ATP11A: variants seen among roughly 807,000 people sequenced by gnomAD.
The protein encoded by ATP11A is phospholipid-transporting ATPase IH.
ATP11A carries 81 observed loss-of-function variants against 154.4 expected under a neutral mutation model. The ratio of observed to expected loss-of-function variants is 0.52; its 90% CI spans 0.44 to 0.63. The LOEUF (loss-of-function observed/expected upper bound fraction) is 0.63. Among genes scored for constraint, ATP11A ranks in the 30% least tolerant of loss-of-function variants. The probability of loss-of-function intolerance (pLI) is 0.00; values close to 1 mark genes in which losing one functional copy is unlikely to be tolerated. For missense variants in ATP11A, 1,316 were observed against 1,474.3 expected, an observed-to-expected ratio of 0.89 and a Z score of 1.76; for synonymous variants, 623 against 585.9, an observed-to-expected ratio of 1.06 and a Z score of -0.91.
At chr13:112,813,830 C>T (rs61963798) in intron 5 of ATP11A, among the ~76,000 whole-genome samples, 15,083 of 151,856 alleles carry the variant, frequency 0.099, 943 homozygotes, top group Admixed American at 0.16. Context: ...TTTTCACGCT[C>T]GTTTGACATC....
chr13:112,828,436 G>T (rs1399022518), intron 12 of ATP11A, among the ~76,000 whole-genome samples: 2 of 146,178 alleles, frequency 1.4e-5, no homozygotes, highest in African/African-American at 2.5e-5. Flanking sequence ...TGGGGGGAAA[G>T]TGCCCAGCAG....
intron 8 of ATP11A, among the ~76,000 whole-genome samples, chr13:112,822,212 A>T (rs1157342605): frequency 6.6e-6 from 1 of 152,226 alleles, no homozygotes; most frequent in African/African-American, 2.4e-5. Context: ...AGCAAAATTT[A>T]TACATTTGAA....
intron 1 of ATP11A, among the ~76,000 whole-genome samples, chr13:112,727,327 G>A (rs1035856617): frequency 2.0e-5 from 3 of 152,332 alleles, no homozygotes; most frequent in East Asian, 1.9e-4. Flanking sequence ...GATTAGAGGC[G>A]TGAGCCACTG....
chr13:112,737,343 C>T (rs569807538), intron 1 of ATP11A, among the ~76,000 whole-genome samples: 38 of 152,148 alleles, frequency 2.5e-4, no homozygotes, highest in Non-Finnish European at 4.6e-4. Context: ...AAGGCTGAGC[C>T]GCACACCCAG....
chr13:112,708,764 C>A (rs1197587623), intron 1 of ATP11A, among the ~76,000 whole-genome samples: 1 of 152,224 alleles, frequency 6.6e-6, no homozygotes, highest in Admixed American at 6.5e-5. Flanking sequence ...TGGTCCCACC[C>A]CTGCCCGACA....
intron 1 of ATP11A, among the ~76,000 whole-genome samples, chr13:112,713,262 G>T (rs1887972865): frequency 6.6e-6 from 1 of 152,200 alleles, no homozygotes; most frequent in Non-Finnish European, 1.5e-5. Context: ...GGGCATGGTG[G>T]TGGGCGCCTG....
At chr13:112,818,833 G>A (rs561373286) in intron 6 of ATP11A, among the ~76,000 whole-genome samples, 4 of 152,314 alleles carry the variant, frequency 2.6e-5, no homozygotes, top group East Asian at 3.9e-4. Flanking sequence ...GGAGCCCCCC[G>A]GCCCAGGCCA....
chr13:112,791,033 C>T (rs2077838980), intron 2 of ATP11A, among the ~76,000 whole-genome samples: 1 of 152,222 alleles, frequency 6.6e-6, no homozygotes, highest in Admixed American at 6.5e-5. Flanking sequence ...AATATTGTCT[C>T]TGCAGTGGTA....
At chr13:112,714,808 A>G (rs1382812100) in intron 1 of ATP11A, among the ~76,000 whole-genome samples, 1 of 152,122 alleles carries the variant, frequency 6.6e-6, no homozygotes, top group African/African-American at 2.4e-5. Context: ...AACATGCAAC[A>G]TCTTGTCTAG....
chr13:112,771,214 G>A (rs1033645319), intron 1 of ATP11A, among the ~76,000 whole-genome samples: 4 of 152,210 alleles, frequency 2.6e-5, no homozygotes, highest in African/African-American at 9.6e-5. Context: ...TGGTGAAGGC[G>A]TGACCCACGG....
chr13:112,858,310 C>G lies in ATP11A; in HGVS notation c.2667+20C>G. ...TATAAGGTAGGAGGGTCGCCGCTCC[C>G]CCTCACGGTGTTAGCAACAGGTCAC... On this transcript the variant is annotated intron_variant, in intron 22 of 29. Transcript: ENST00000375645. 6.3e-7 allele frequency: 1 copy of G among 1,599,836 alleles called. No individual in the cohort carries two copies. Among genetic ancestry groups the G allele is most frequent in the South Asian group, 1.1e-5 (1 of 90,082 alleles).
At chr13:112,756,824 T>C (rs950597114) in intron 1 of ATP11A, among the ~76,000 whole-genome samples, 1 of 151,596 alleles carries the variant, frequency 6.6e-6, no homozygotes, top group Non-Finnish European at 1.5e-5. Flanking sequence ...AGGGGTCTGC[T>C]CCCAGCACGG....
At position 112,754,308 on chromosome 13, in the gene ATP11A, T is replaced by G. The variant is rs1460264367; in HGVS notation, c.40-30827T>G. Among the ~76,000 whole-genome samples the G allele has an allele frequency of 6.6e-6, 1 of 152,174 alleles. No individual in the cohort carries two copies. Among genetic ancestry groups the G allele is most frequent in the African/African-American group, 2.4e-5 (1 of 41,450 alleles). ...AGTGCCTCGGCTGATTCTTGGTCTT[T>G]GGAGACCTGGTCCCCAGTCCCACCT... is the stretch of plus-strand genomic sequence containing the variant. On this transcript the variant is annotated intron_variant, in intron 1 of 29. Transcript: ENST00000375645. This position sits in a 1 kb window ranked among gnomAD's most constrained non-coding sequence, Gnocchi z 5.3.
At chr13:112,880,566 T>G in intron 29 of ATP11A, 1 of 1,300,058 alleles carries the variant, frequency 7.7e-7, no homozygotes, top group Non-Finnish European at 1.0e-6. Flanking sequence ...AGCACAAGGC[T>G]CCAGTCCAGG....
At position 112,785,152 on chromosome 13, in the gene ATP11A, T is replaced by C. The variant is rs2077592896; in HGVS notation, c.57T>C (p.Asn19=). Residue 19 remains asparagine, a synonymous_variant, in exon 2 of 30, where the codon AAT becomes AAC. Coordinates refer to ENST00000375645, the MANE Select transcript of ATP11A (RefSeq NM_015205.3). The surrounding 1 kb of genome is among the most constrained non-coding windows in gnomAD (Gnocchi z 4.8). ...TTCCGCAGTGTGCAGGAGAAGAGAA[T>C]TGGGTGGACAGCAGGACCATCTACG... ...LVHRYCAGEE[N]WVDSRTIYVG... 2 of 1,558,056 alleles carry C rather than the reference T, an allele frequency of 1.3e-6. No individual in the cohort carries two copies. The highest frequency in any genetic ancestry group is 1.2e-5 in the South Asian group (1 of 83,382).
chr13:112,755,978 C>T (rs61961139), intron 1 of ATP11A, among the ~76,000 whole-genome samples: 32,131 of 133,710 alleles, frequency 0.24, 1,832 homozygotes, highest in Middle Eastern at 0.33. Flanking sequence ...CAGAGCGGCT[C>T]CCAGAACCAT....
Position 112,875,999 on chromosome 13 carries a change from GAGATGA to G in ATP11A, c.3327+59_3327+64del. The G allele has an allele frequency of 6.4e-7, 1 of 1,557,878 alleles. No individual in the cohort carries two copies. The highest frequency in any genetic ancestry group is 1.8e-5 in the Admixed American group (1 of 56,670). Reference sequence around the variant, plus strand: ...CTCAGGGCCCTGGCCTTAGGATTGGGAGATGACCGTTTTGAAAGACAGTGTGAAAGG... The same window carrying G: ...CTCAGGGCCCTGGCCTTAGGATTGGGCCGTTTTGAAAGACAGTGTGAAAGG... On this transcript the variant is annotated intron_variant, in intron 28 of 29. Coordinates refer to ENST00000375645, the MANE Select transcript of ATP11A (RefSeq NM_015205.3). This position sits in a 1 kb window ranked among gnomAD's most constrained non-coding sequence, Gnocchi z 4.1.
At chr13:112,711,316 G>T (rs1887722142) in intron 1 of ATP11A, among the ~76,000 whole-genome samples, 1 of 152,198 alleles carries the variant, frequency 6.6e-6, no homozygotes, top group Non-Finnish European at 1.5e-5. Context: ...AAAACTAAAA[G>T]CTGGGCCAGG....
intron 1 of ATP11A, among the ~76,000 whole-genome samples, chr13:112,759,512 C>G (rs541848052): frequency 6.6e-6 from 1 of 152,322 alleles, no homozygotes; most frequent in South Asian, 2.1e-4. Flanking sequence ...CCAGCTGTGA[C>G]GATGACTTTT....
Sources: allele counts gnomAD v4.1 joint callset (sites outside exome capture counted in the v4.1 genomes callset), GRCh38; gene constraint gnomAD v4.1.1; non-coding constraint Gnocchi (gnomAD v3.1); transcripts MANE v1.5; gene names NCBI Gene and HGNC (gene_info 2026-07-23, HGNC 2026-07-21).